The following NIBAN1 variants were observed in gnomAD, a reference collection of about 807,000 sequenced individuals.
The protein encoded by NIBAN1 is niban apoptosis regulator 1.
In NIBAN1, 81 loss-of-function variants were observed where a neutral mutation model predicts 75.1. That is an observed-to-expected ratio of 1.08 (90% CI 0.90 to 1.30). The LOEUF is 1.30. NIBAN1 is among the 50% of genes most tolerant of loss of function. The pLI is 0.00. For synonymous variants in NIBAN1, 436 were observed against 424.8 expected, an observed-to-expected ratio of 1.03 and a Z score of -0.32; for missense variants, 1,133 against 1,128.1, an observed-to-expected ratio of 1.00 and a Z score of -0.06.
At position 184,823,605 on chromosome 1, in the gene NIBAN1, G is replaced by T. The variant is rs1245217588; in HGVS notation, c.822+33C>A. The T allele has an allele frequency of 4.1e-5, 66 of 1,600,034 alleles. No homozygotes were observed. The Admixed American group carries it at 1.0e-3, about 24-fold the overall frequency. On this transcript the variant is annotated intron_variant, in intron 7 of 13. Transcript: ENST00000367511. ...AGGGAAGAGAATGTTCCCATTTTGAGTAGCTCAGTTGTAGAGCAAAACCAT... is the reference window on the plus strand; with the variant it reads ...AGGGAAGAGAATGTTCCCATTTTGATTAGCTCAGTTGTAGAGCAAAACCAT...
intron 1 of NIBAN1, among the ~76,000 whole-genome samples, chr1:184,934,441 C>T (rs1275975830): frequency 6.6e-6 from 1 of 152,152 alleles, no homozygotes; most frequent in Non-Finnish European, 1.5e-5. Flanking sequence ...TGTAACAAAC[C>T]TGCACATCTA....
chr1:184,809,519 T>TGCA (rs1425968261), intron 9 of NIBAN1, among the ~76,000 whole-genome samples: 28 of 152,054 alleles, frequency 1.8e-4, no homozygotes, highest in Admixed American at 1.8e-3. Flanking sequence ...TGGAAACATT[T>TGCA]TTTAACATGA....
intron 12 of NIBAN1, 112 bp from the exon 13 acceptor site, chr1:184,798,302 G>A: frequency 1.6e-6 from 1 of 624,448 alleles, no homozygotes; most frequent in South Asian, 2.3e-5. Context: ...GAGGGCATAA[G>A]AGAAGGACCA....
intron 8 of NIBAN1, among the ~76,000 whole-genome samples, chr1:184,822,768 T>C (rs147844543): frequency 6.6e-6 from 1 of 152,354 alleles, no homozygotes; most frequent in East Asian, 1.9e-4. Context: ...TGAGTCTGTA[T>C]ATGCCAGGCG....
At chr1:184,910,437 G>T (rs1657211370) in intron 1 of NIBAN1, among the ~76,000 whole-genome samples, 1 of 151,912 alleles carries the variant, frequency 6.6e-6, no homozygotes, top group Non-Finnish European at 1.5e-5. Flanking sequence ...TTGATCCAAG[G>T]TCACAAAACT....
intron 9 of NIBAN1, among the ~76,000 whole-genome samples, chr1:184,816,156 T>G (rs1266068978): frequency 6.6e-6 from 1 of 152,188 alleles, no homozygotes; most frequent in Non-Finnish European, 1.5e-5. Flanking sequence ...TCTATTTAAT[T>G]TTAGGTGATT....
At chr1:184,855,452 C>A (rs1378713794) in intron 5 of NIBAN1, among the ~76,000 whole-genome samples, 1 of 151,932 alleles carries the variant, frequency 6.6e-6, no homozygotes. Context: ...TAATCCCATA[C>A]TTATTTTTTT....
At chr1:184,823,421 C>G in intron 7 of NIBAN1, 92 bp from the exon 8 acceptor site, 1 of 1,481,092 alleles carries the variant, frequency 6.8e-7, no homozygotes, top group African/African-American at 1.4e-5. Context: ...CACAGGCCAT[C>G]ATAACAAACA....
At chr1:184,918,935 G>T (rs184823798) in intron 1 of NIBAN1, among the ~76,000 whole-genome samples, 251 of 152,178 alleles carry the variant, frequency 1.6e-3, no homozygotes, top group Admixed American at 3.1e-3. Flanking sequence ...TGGAATAAAG[G>T]GAATGCACAT....
intron 5 of NIBAN1, among the ~76,000 whole-genome samples, chr1:184,877,204 A>G (rs1021921843): frequency 3.3e-5 from 5 of 152,236 alleles, no homozygotes; most frequent in Admixed American, 6.5e-5. Context: ...ACATGGATGA[A>G]GCACTGGAAT....
At chr1:184,797,611 G>A (rs1653913360) in intron 13 of NIBAN1, among the ~76,000 whole-genome samples, 1 of 151,502 alleles carries the variant, frequency 6.6e-6, no homozygotes, top group African/African-American at 2.4e-5. Flanking sequence ...TGTGTTGAGA[G>A]AGCCATTAAT....
At chr1:184,882,228 G>A (rs1656396430) in intron 5 of NIBAN1, among the ~76,000 whole-genome samples, 1 of 152,118 alleles carries the variant, frequency 6.6e-6, no homozygotes, top group Non-Finnish European at 1.5e-5. Flanking sequence ...GTAATTATGG[G>A]AAAAAGTGGT....
Position 184,831,382 on chromosome 1 carries a change from G to A in NIBAN1, c.717+465C>T, listed in dbSNP as rs779174278. 5.3e-5 allele frequency among the ~76,000 whole-genome samples: 8 copies of A among 152,132 alleles called. No homozygotes were observed. In the East Asian group the frequency reaches 7.7e-4, roughly 15 times the overall value. On this transcript the variant is annotated intron_variant, in intron 6 of 13. Transcript: ENST00000367511. Reference sequence around the variant, plus strand: ...TCCCCAACTGCACTTCACTTGTCACGATGATGCAAGGTAAACATTATTATT... The same window carrying A: ...TCCCCAACTGCACTTCACTTGTCACAATGATGCAAGGTAAACATTATTATT...
At position 184,795,060 on chromosome 1, in the gene NIBAN1, C is replaced by A. The variant is rs1653801069; in HGVS notation, c.2704G>T (p.Asp902Tyr). 1 of 1,613,880 alleles carries A rather than the reference C, an allele frequency of 6.2e-7. No individual in the cohort carries two copies. The highest frequency in any genetic ancestry group is 1.3e-5 in the African/African-American group (1 of 74,942). Residue 902 changes from aspartate to tyrosine, a missense_variant, in exon 14 of 14, where the codon GAT (aspartate) becomes TAT (tyrosine). Transcript: ENST00000367511. ...QWVVEDAPNP[D>Y]VLLSHKDDVK... is the part of the protein sequence containing the mutation. Reference sequence around the variant, plus strand: ...TCATCTTTGTGTGACAGCAGGACATCCGGGTTTGGAGCATCCTCCACCACC... The same window carrying A: ...TCATCTTTGTGTGACAGCAGGACATACGGGTTTGGAGCATCCTCCACCACC...
chr1:184,875,355 A>G (rs1319303990), intron 5 of NIBAN1, among the ~76,000 whole-genome samples: 1 of 152,190 alleles, frequency 6.6e-6, no homozygotes, highest in Non-Finnish European at 1.5e-5. Flanking sequence ...TTCTGGCTTG[A>G]GGTCTCTCAT....
At chr1:184,967,528 TTAGAAAC>T (rs987598069) in intron 1 of NIBAN1, among the ~76,000 whole-genome samples, 1 of 152,202 alleles carries the variant, frequency 6.6e-6, no homozygotes, top group African/African-American at 2.4e-5. Flanking sequence ...ATTAATGAAA[TTAGAAAC>T]TACCTTTACA....
At chr1:184,904,147 C>T (rs1336391294) in intron 1 of NIBAN1, among the ~76,000 whole-genome samples, 3 of 151,882 alleles carry the variant, frequency 2.0e-5, no homozygotes, top group South Asian at 2.1e-4. Flanking sequence ...CCACCCGCCT[C>T]GGCCTCCCAA....
At position 184,808,176 on chromosome 1, in the gene NIBAN1, A is replaced by G. The variant is rs374772931; in HGVS notation, c.1233T>C (p.Thr411=). 59 of 1,614,050 alleles carry G rather than the reference A, an allele frequency of 3.7e-5. No homozygotes were observed. Among genetic ancestry groups the G allele is most frequent in the Non-Finnish European group, 5.0e-5 (59 of 1,180,018 alleles). Residue 411 remains threonine, a synonymous_variant, in exon 10 of 14, where the codon ACT becomes ACC. Coordinates refer to ENST00000367511, the MANE Select transcript of NIBAN1 (RefSeq NM_052966.4). ...LHSVKMEPCY[T]KVNLLHERLQ... ...GGCGCTCGTGAAGCAGGTTGACTTT[A>G]GTATAACAAGGTTCCATCTTCACGG...
chr1:184,795,558 C>T lies in NIBAN1; in HGVS notation c.2206G>A (p.Gly736Arg). ...SAPVMEEDTN[G>R]ESHVPQENEE... Reference sequence around the variant, plus strand: ...TTTTCTTGGGGAACGTGGCTCTCCCCATTCGTATCTTCTTCCATCACTGGA... The same window carrying T: ...TTTTCTTGGGGAACGTGGCTCTCCCTATTCGTATCTTCTTCCATCACTGGA... The change falls in exon 14 of 14, where the codon GGG becomes AGG. Residue 736 changes from glycine (G) to arginine (R), a missense_variant. Physicochemically the swap from Gly to Arg is moderately radical, Grantham distance 125. Transcript: ENST00000367511. 1.2e-6 allele frequency: 2 copies of T among 1,614,142 alleles called. No individual in the cohort carries two copies. The highest frequency in any genetic ancestry group is 1.7e-6 in the Non-Finnish European group (2 of 1,180,038).
Sources: allele counts gnomAD v4.1 joint callset (sites outside exome capture counted in the v4.1 genomes callset), GRCh38; gene constraint gnomAD v4.1.1; transcripts MANE v1.5; gene names NCBI Gene and HGNC (gene_info 2026-07-23, HGNC 2026-07-21).